Variants in ABRAXAS1 observed in about 807,000 individuals in gnomAD.
ABRAXAS1 encodes the protein abraxas 1, BRCA1 A complex subunit.
ABRAXAS1 carries 26 observed loss-of-function variants against 38.4 expected under a neutral mutation model. The ratio of observed to expected loss-of-function variants is 0.68; its 90% CI spans 0.50 to 0.94. The LOEUF is 0.94. Ranked by LOEUF, ABRAXAS1 falls within the 40% of genes least tolerant of loss-of-function variation. ABRAXAS1 has a pLI of 0.00. For synonymous variants in ABRAXAS1, 144 were observed against 165.5 expected, an observed-to-expected ratio of 0.87 and a Z score of 1.00; for missense variants, 438 against 481.9, an observed-to-expected ratio of 0.91 and a Z score of 0.85.
chr4:83,484,096 G>A (rs1373040127), intron 1 of ABRAXAS1: 2 of 940,732 alleles, frequency 2.1e-6, no homozygotes, highest in South Asian at 4.9e-5. Flanking sequence ...TCGAACTCGT[G>A]GGCTCAGGTG....
In ABRAXAS1 at chr4:83,468,816, C is replaced by T. The variant is rs72932906; in HGVS notation, c.596+216G>A. The stretch of plus-strand genomic sequence containing the variant: ...CAGCCTCCCGAAGTGCTGGGATTTG[C>T]AGGTGTGAGCCACCATGCCTGGACT... On this transcript the variant is annotated intron_variant, in intron 6 of 8. Transcript: ENST00000321945. Among the ~76,000 whole-genome samples, 1,372 of 151,850 alleles carry T rather than the reference C, an allele frequency of 9.0e-3. 17 individuals are homozygous for T. The highest frequency in any genetic ancestry group is 0.031 in the African/African-American group (1,292 of 41,358).
rs2110049260 is a variant in ABRAXAS1 at position 83,482,151 on chromosome 4, C to T, written c.178+3G>A. On this transcript the variant is annotated splice_donor_region_variant and intron_variant, in intron 2 of 8. Coordinates refer to ENST00000321945, the MANE Select transcript of ABRAXAS1 (RefSeq NM_139076.3). ...TCAAATATAGGAGAAATAAATAACT[C>T]ACCAATTGTATAAACAACTTCAACA... The T allele has an allele frequency of 1.3e-6, 2 of 1,582,400 alleles. No homozygotes were observed. Among genetic ancestry groups the T allele is most frequent in the Admixed American group, 3.4e-5 (2 of 58,142 alleles).
chr4:83,482,675 G>A (rs1258103342), intron 1 of ABRAXAS1, among the ~76,000 whole-genome samples: 1 of 152,168 alleles, frequency 6.6e-6, no homozygotes, highest in South Asian at 2.1e-4. Flanking sequence ...CAGCCCAGGC[G>A]ATAGAGTGAG....
chr4:83,483,984 A>G, intron 1 of ABRAXAS1: 1 of 973,014 alleles, frequency 1.0e-6, no homozygotes, highest in Non-Finnish European at 1.2e-6. Flanking sequence ...TGTATACATA[A>G]AACATACCAA....
At chr4:83,484,457 A>G (rs979879453) in intron 1 of ABRAXAS1, among the ~76,000 whole-genome samples, 43 of 152,276 alleles carry the variant, frequency 2.8e-4, no homozygotes, top group African/African-American at 1.0e-3. Context: ...ATAAAAAGAT[A>G]TCTGATATAC....
intron 1 of ABRAXAS1, 37 bp from the exon 2 acceptor site, chr4:83,482,281 A>G (rs1393377111): frequency 8.0e-7 from 1 of 1,255,482 alleles, no homozygotes; most frequent in Non-Finnish European, 1.1e-6. Flanking sequence ...GAATACACTG[A>G]TAGAATTACT....
At chr4:83,467,657 A>G (rs770610165) in intron 6 of ABRAXAS1, 119 bp from the exon 7 acceptor site, 17 of 616,292 alleles carry the variant, frequency 2.8e-5, no homozygotes, top group Non-Finnish European at 4.6e-5. Flanking sequence ...TGTAGGAACC[A>G]TAATTTTGTC....
At chr4:83,463,192 G>A (rs555501219) in intron 8 of ABRAXAS1, among the ~76,000 whole-genome samples, 1 of 152,300 alleles carries the variant, frequency 6.6e-6, no homozygotes, top group African/African-American at 2.4e-5. Context: ...CACTTTGGGA[G>A]GCTGAGGCGG....
In ABRAXAS1 at chr4:83,459,933, A is replaced by C. The variant is rs1052093362; in HGVS notation, c.*2536T>G. On this transcript the variant is annotated 3_prime_UTR_variant, in exon 9 of 9. Transcript: ENST00000321945. Reference sequence around the variant, plus strand: ...ATCAGATACTACAGGGACTAGAGCTAGTTACTATGAAAAAGTCTCTTAGGC... The same window carrying C: ...ATCAGATACTACAGGGACTAGAGCTCGTTACTATGAAAAAGTCTCTTAGGC... 9.2e-6 allele frequency: 6 copies of C among 653,484 alleles called. No homozygotes were observed. The highest frequency in any genetic ancestry group is 1.5e-5 in the Non-Finnish European group (6 of 396,700). 40.5% of individuals were successfully genotyped at this position (653,484 alleles called of 1,614,324 possible). A position where few individuals can be genotyped will look rare whatever the true frequency, so the allele number is the denominator to read the frequency against.
intron 6 of ABRAXAS1, among the ~76,000 whole-genome samples, chr4:83,468,129 C>T (rs1179170246): frequency 6.6e-6 from 1 of 151,892 alleles, no homozygotes; most frequent in East Asian, 1.9e-4. Flanking sequence ...ATGGAGAAAC[C>T]CCGTCTCTAC....
At chr4:83,470,668 T>C (rs970038292) in intron 4 of ABRAXAS1, among the ~76,000 whole-genome samples, 6 of 152,224 alleles carry the variant, frequency 3.9e-5, no homozygotes, top group East Asian at 1.9e-4. Flanking sequence ...GTTTCTTTTA[T>C]GGCATTTGCT....
At chr4:83,464,585 G>A (rs1722276961) in intron 7 of ABRAXAS1, among the ~76,000 whole-genome samples, 1 of 152,090 alleles carries the variant, frequency 6.6e-6, no homozygotes, top group Non-Finnish European at 1.5e-5. Flanking sequence ...CACTTTTTAG[G>A]ATGTCTGCCA....
Position 83,461,206 on chromosome 4 carries a change from A to G in ABRAXAS1, c.*1263T>C. 6.2e-7 allele frequency: 1 copy of G among 1,608,874 alleles called. No individual in the cohort carries two copies. Among genetic ancestry groups the G allele is most frequent in the South Asian group, 1.1e-5 (1 of 90,880 alleles). On this transcript the variant is annotated 3_prime_UTR_variant, in exon 9 of 9. Coordinates refer to ENST00000321945, the MANE Select transcript of ABRAXAS1 (RefSeq NM_139076.3). ...TCAGATATCGGGAATAAATTCTATCACGTTACCACTAATAAACTTATTTTA... is the reference window on the plus strand; with the variant it reads ...TCAGATATCGGGAATAAATTCTATCGCGTTACCACTAATAAACTTATTTTA...
chr4:83,473,712 C>T (rs1027571526), intron 3 of ABRAXAS1, among the ~76,000 whole-genome samples: 2 of 151,890 alleles, frequency 1.3e-5, no homozygotes, highest in Non-Finnish European at 2.9e-5. Flanking sequence ...GAGGGAGTTT[C>T]GCCATGTTAC....
At position 83,459,550 on chromosome 4, in the gene ABRAXAS1, C is replaced by G; in HGVS notation, c.*2919G>C. The G allele has an allele frequency of 1.8e-6, 1 of 545,232 alleles. No individual in the cohort carries two copies. Among genetic ancestry groups the G allele is most frequent in the South Asian group, 2.5e-5 (1 of 39,488 alleles). 33.8% of individuals were successfully genotyped at this position (545,232 alleles called of 1,614,324 possible). ...AATCTGCTGTTTAATTATATATAGACTTGACACACTGGATAGAAAATATTT... is the reference window on the plus strand; with the variant it reads ...AATCTGCTGTTTAATTATATATAGAGTTGACACACTGGATAGAAAATATTT... On this transcript the variant is annotated 3_prime_UTR_variant, in exon 9 of 9. Coordinates refer to ENST00000321945, the MANE Select transcript of ABRAXAS1 (RefSeq NM_139076.3).
chr4:83,463,078 A>T (rs1200202373), intron 8 of ABRAXAS1, among the ~76,000 whole-genome samples, 176 bp from the exon 9 acceptor site: 1 of 152,240 alleles, frequency 6.6e-6, no homozygotes, highest in Non-Finnish European at 1.5e-5. Flanking sequence ...CTAAGACAAA[A>T]TTAAAGTTGT....
At chr4:83,471,227 A>T (rs1722581718) in intron 4 of ABRAXAS1, among the ~76,000 whole-genome samples, 3 of 90,408 alleles carry the variant, frequency 3.3e-5, no homozygotes, top group Admixed American at 1.6e-4. Flanking sequence ...TTTTTTTGAG[A>T]CAGTCTGGCT....
intron 1 of ABRAXAS1, among the ~76,000 whole-genome samples, chr4:83,483,468 A>G (rs1723066068): frequency 6.6e-6 from 1 of 151,820 alleles, no homozygotes. Context: ...TTTTTTGTAG[A>G]CATGAGGTCT....
At chr4:83,477,958 G>A (rs1722844322) in intron 2 of ABRAXAS1, 1 of 896,152 alleles carries the variant, frequency 1.1e-6, no homozygotes, top group African/African-American at 1.7e-5. Flanking sequence ...TTCGAATGCA[G>A]GCTCAAGGAA....
Sources: allele counts gnomAD v4.1 joint callset (sites outside exome capture counted in the v4.1 genomes callset), GRCh38; gene constraint gnomAD v4.1.1; transcripts MANE v1.5; gene names NCBI Gene and HGNC (gene_info 2026-07-23, HGNC 2026-07-21).